Variants in PTPRR observed in about 807,000 individuals in gnomAD.
The protein encoded by PTPRR is protein tyrosine phosphatase receptor type R.
A neutral mutation model predicts 77.2 loss-of-function variants in PTPRR; 38 were observed. The ratio of observed to expected loss-of-function variants is 0.49; its 90% CI spans 0.38 to 0.65. PTPRR has a LOEUF of 0.65. PTPRR is among the 30% of genes least tolerant of loss of function. The pLI is 0.00. For synonymous variants in PTPRR, 299 were observed against 283.1 expected (o/e 1.06, Z -0.57); for missense variants, 744 against 799.2 (o/e 0.93, Z 0.83).
intron 13 of PTPRR, among the ~76,000 whole-genome samples, chr12:70,642,726 A>G (rs1886051864): frequency 1.3e-5 from 2 of 152,220 alleles, no homozygotes; most frequent in African/African-American, 4.8e-5. Context: ...GAAAACAGAT[A>G]AACTCTAGGC....
chr12:70,874,806 C>G (rs1284946969), intron 2 of PTPRR, among the ~76,000 whole-genome samples: 1 of 150,868 alleles, frequency 6.6e-6, no homozygotes, highest in African/African-American at 2.4e-5. Context: ...CCTATAGTAC[C>G]AGCTGCTCCA....
intron 2 of PTPRR, among the ~76,000 whole-genome samples, chr12:70,865,112 C>T (rs537466173): frequency 6.6e-5 from 10 of 152,220 alleles, no homozygotes; most frequent in East Asian, 1.9e-4. Flanking sequence ...TGTGCCCGAC[C>T]GAGATCTGAT....
At chr12:70,798,737 A>G (rs1891560106) in intron 2 of PTPRR, among the ~76,000 whole-genome samples, 2 of 151,808 alleles carry the variant, frequency 1.3e-5, no homozygotes, top group Non-Finnish European at 2.9e-5. Flanking sequence ...TTTTATCTAA[A>G]GAAGCACCCC....
chr12:70,784,735 GA>G (rs1222775979), intron 2 of PTPRR, among the ~76,000 whole-genome samples: 1 of 152,244 alleles, frequency 6.6e-6, no homozygotes, highest in Non-Finnish European at 1.5e-5. Flanking sequence ...CATCAATGTT[GA>G]AAATGAATAG....
chr12:70,746,782 C>T (rs889146782), intron 5 of PTPRR, among the ~76,000 whole-genome samples: 33 of 151,914 alleles, frequency 2.2e-4, no homozygotes, highest in African/African-American at 7.0e-4. Context: ...ACCTCGAGCT[C>T]TCCTTAAGGG....
At chr12:70,834,717 A>C (rs1223022482) in intron 2 of PTPRR, among the ~76,000 whole-genome samples, 2 of 152,156 alleles carry the variant, frequency 1.3e-5, no homozygotes, top group Non-Finnish European at 2.9e-5. Context: ...ACTTCCAGGT[A>C]ATCTTTCAGA....
At chr12:70,859,073 C>A (rs1310764520) in intron 2 of PTPRR, among the ~76,000 whole-genome samples, 2 of 151,944 alleles carry the variant, frequency 1.3e-5, no homozygotes. Flanking sequence ...CCAGGACATC[C>A]AATCTGTTGC....
At position 70,862,395 on chromosome 12, in the gene PTPRR, G is replaced by C. The variant is rs191994246; in HGVS notation, c.357+30284C>G. Among the ~76,000 whole-genome samples the C allele has an allele frequency of 2.6e-5, 4 of 151,786 alleles. No homozygotes were observed. In the East Asian group the frequency reaches 5.8e-4, roughly 22 times the overall value. Reference sequence around the variant, plus strand: ...GAAAATGTGGCACATATACACCATGGAATATTATGCAGCCATAAAAAATGA... The same window carrying C: ...GAAAATGTGGCACATATACACCATGCAATATTATGCAGCCATAAAAAATGA... On this transcript the variant is annotated intron_variant, in intron 2 of 13. Transcript: ENST00000283228.
intron 10 of PTPRR, among the ~76,000 whole-genome samples, chr12:70,676,860 T>A (rs12826638): frequency 1.8e-5 from 1 of 55,590 alleles, no homozygotes; most frequent in Non-Finnish European, 2.7e-5. Context: ...TGCCTCCAGC[T>A]TTTTTTTTTT....
intron 6 of PTPRR, among the ~76,000 whole-genome samples, chr12:70,741,122 A>T (rs1412239883): frequency 6.6e-6 from 1 of 152,224 alleles, no homozygotes; most frequent in Admixed American, 6.5e-5. Flanking sequence ...GAGGTTAGTC[A>T]TAAAAAAGAA....
intron 2 of PTPRR, among the ~76,000 whole-genome samples, chr12:70,853,994 CATT>C (rs1206364486): frequency 3.9e-5 from 6 of 152,280 alleles, no homozygotes; most frequent in East Asian, 1.9e-4. Flanking sequence ...ACAATATCAT[CATT>C]ATTATCATTA....
At chr12:70,724,709 T>C (rs1354633939) in intron 6 of PTPRR, among the ~76,000 whole-genome samples, 2 of 152,092 alleles carry the variant, frequency 1.3e-5, no homozygotes, top group African/African-American at 4.8e-5. Flanking sequence ...TGGTGCGTGC[T>C]CCTGCTGCAA....
intron 6 of PTPRR, among the ~76,000 whole-genome samples, chr12:70,742,964 T>C (rs1159679059): frequency 1.3e-5 from 2 of 152,178 alleles, no homozygotes; most frequent in Non-Finnish European, 2.9e-5. Flanking sequence ...TGGTAGTGTT[T>C]AAGAAAGGTC....
At chr12:70,883,675 TA>T (rs1893187315) in intron 2 of PTPRR, among the ~76,000 whole-genome samples, 1 of 152,196 alleles carries the variant, frequency 6.6e-6, no homozygotes, top group South Asian at 2.1e-4. Flanking sequence ...GTTACTTTAT[TA>T]AAATACTGAG....
intron 13 of PTPRR, among the ~76,000 whole-genome samples, chr12:70,646,514 C>T (rs1345792232): frequency 6.6e-6 from 1 of 151,944 alleles, no homozygotes; most frequent in East Asian, 1.9e-4. Context: ...CTCAAGTTAA[C>T]ACCTAATTAA....
intron 6 of PTPRR, among the ~76,000 whole-genome samples, chr12:70,730,819 C>G (rs1421392913): frequency 1.3e-5 from 2 of 148,292 alleles, no homozygotes; most frequent in African/African-American, 5.0e-5. Flanking sequence ...GAGAGAGAGA[C>G]AGAGAGAGGA....
At chr12:70,745,049 C>T (rs1244314283) in intron 6 of PTPRR, among the ~76,000 whole-genome samples, 1 of 151,950 alleles carries the variant, frequency 6.6e-6, no homozygotes, top group Non-Finnish European at 1.5e-5. Flanking sequence ...AAAGGTAAGG[C>T]AACAAAAATA....
intron 6 of PTPRR, among the ~76,000 whole-genome samples, chr12:70,711,619 G>A (rs1888831878): frequency 6.6e-6 from 1 of 151,818 alleles, no homozygotes; most frequent in Non-Finnish European, 1.5e-5. Flanking sequence ...TAACATAGAA[G>A]TCAAAAAAGA....
At chr12:70,795,642 A>T (rs1439199697) in intron 2 of PTPRR, among the ~76,000 whole-genome samples, 1 of 152,224 alleles carries the variant, frequency 6.6e-6, no homozygotes, top group Admixed American at 6.5e-5. Context: ...GAAATATATG[A>T]GTACCTCAAA....
Sources: allele counts gnomAD v4.1 joint callset (sites outside exome capture counted in the v4.1 genomes callset), GRCh38; gene constraint gnomAD v4.1.1; transcripts MANE v1.5; gene names NCBI Gene and HGNC (gene_info 2026-07-23, HGNC 2026-07-21).